The following FAAH2 variants were observed in gnomAD, a reference collection of about 807,000 sequenced individuals.
The protein encoded by FAAH2 is fatty-acid amide hydrolase 2.
A neutral mutation model predicts 36.9 loss-of-function variants in FAAH2; 60 were observed. The ratio of observed to expected loss-of-function variants is 1.63; its 90% CI spans 1.32 to 2.02. FAAH2 has a LOEUF of 2.02. Ranked by LOEUF, FAAH2 falls within the 30% of genes most tolerant of loss-of-function variation. The pLI, the probability that FAAH2 is intolerant of heterozygous loss-of-function variation, is 0.00. For missense variants in FAAH2, 689 were observed against 397.5 expected, an observed-to-expected ratio of 1.73 and a Z score of -6.23; for synonymous variants, 214 against 143.8, an observed-to-expected ratio of 1.49 and a Z score of -3.49.
At chrX:57,200,762 G>A in the FAAH2 span, among the ~76,000 whole-genome samples, 25 of 111,198 alleles carry the variant, frequency 2.2e-4, no homozygotes, top group Non-Finnish European at 3.8e-4. Context: ...ATTTTTGATT[G>A]GTTCATCATT....
intron 5 of FAAH2, among the ~76,000 whole-genome samples, chrX:57,365,132 G>T (rs890605412): frequency 2.7e-5 from 3 of 111,304 alleles, no homozygotes; most frequent in African/African-American, 9.8e-5. Context: ...CTTGTCAATG[G>T]CATGTTGATG....
the FAAH2 span, among the ~76,000 whole-genome samples, chrX:57,270,590 G>T: frequency 2.7e-5 from 3 of 111,808 alleles, no homozygotes; most frequent in Non-Finnish European, 3.8e-5. Context: ...CAGCGAGATC[G>T]ATGCAGAAGG....
At chrX:57,172,379 T>C in the FAAH2 span, among the ~76,000 whole-genome samples, 1 of 111,076 alleles carries the variant, frequency 9.0e-6, no homozygotes, top group Non-Finnish European at 1.9e-5. Flanking sequence ...CTCAGATCTC[T>C]AGGGGAGCAT....
intron 2 of FAAH2, among the ~76,000 whole-genome samples, chrX:57,303,300 C>G (rs1250521388): frequency 9.0e-6 from 1 of 111,612 alleles, no homozygotes; most frequent in African/African-American, 3.3e-5. Flanking sequence ...TGCAGTTCTT[C>G]TCATTGTTTT....
chrX:57,261,164 A>T, the FAAH2 span, among the ~76,000 whole-genome samples: 1 of 111,720 alleles, frequency 9.0e-6, no homozygotes, highest in Non-Finnish European at 1.9e-5. Context: ...ATAATCAATA[A>T]ATTTTCGTAG....
At chrX:57,360,217 G>A (rs887422162) in intron 5 of FAAH2, among the ~76,000 whole-genome samples, 1 of 110,221 alleles carries the variant, frequency 9.1e-6, no homozygotes, top group East Asian at 2.8e-4. Context: ...CCATTTTTAT[G>A]TAACTTTCCT....
the FAAH2 span, among the ~76,000 whole-genome samples, chrX:57,160,809 A>G: frequency 8.9e-6 from 1 of 111,967 alleles, no homozygotes; most frequent in Non-Finnish European, 1.9e-5. Flanking sequence ...TCAAAAAACC[A>G]GCTCCTGGAT....
At chrX:57,402,224 G>C (rs2055455081) in intron 7 of FAAH2, among the ~76,000 whole-genome samples, 1 of 112,104 alleles carries the variant, frequency 8.9e-6, no homozygotes, top group African/African-American at 3.2e-5. Flanking sequence ...TGGGGCAGTG[G>C]GCCTTCCCGT....
intron 10 of FAAH2, among the ~76,000 whole-genome samples, chrX:57,476,300 T>A (rs1172617717): frequency 9.0e-6 from 1 of 111,269 alleles, no homozygotes; most frequent in Non-Finnish European, 1.9e-5. Flanking sequence ...TGCTTCCAGC[T>A]TTTACCCATT....
chrX:57,319,048 A>G (rs1019605286), intron 3 of FAAH2, among the ~76,000 whole-genome samples: 1 of 111,729 alleles, frequency 9.0e-6, no homozygotes, highest in African/African-American at 3.2e-5. Flanking sequence ...TTTATGACAA[A>G]CCCACAGCCA....
intron 7 of FAAH2, among the ~76,000 whole-genome samples, chrX:57,402,675 T>C (rs921762047): frequency 1.8e-5 from 2 of 111,921 alleles, no homozygotes; most frequent in Non-Finnish European, 3.8e-5. Flanking sequence ...GGAAGTAGGA[T>C]TTTCTTCCTT....
chrX:57,263,208 T>C, the FAAH2 span, among the ~76,000 whole-genome samples: 1 of 111,033 alleles, frequency 9.0e-6, no homozygotes, highest in Non-Finnish European at 1.9e-5. Flanking sequence ...TCGCAAGGAG[T>C]GTACAAAAAC....
intron 3 of FAAH2, among the ~76,000 whole-genome samples, chrX:57,326,668 C>CT (rs1478393095): frequency 1.8e-3 from 160 of 87,411 alleles, no homozygotes; most frequent in African/African-American, 7.0e-3. Flanking sequence ...CAACCCCTGC[C>CT]TTTTTTTGTT....
rs1209878024 is a variant in FAAH2 at position 57,310,628 on chromosome X, A to T, written c.311A>T (p.Asp104Val). Residue 104 changes from aspartate (D) to valine (V), a missense_variant, in exon 3 of 11, where the codon GAT (aspartate) becomes GTT (valine). Physicochemically the swap from Asp to Val is radical, Grantham distance 152 (BLOSUM62 -3). Coordinates refer to ENST00000374900, the MANE Select transcript of FAAH2 (RefSeq NM_174912.4). ...GCGATGAAGGAGGCTCATGCTGTAG[A>T]TCAAAAGCTTGCAGAGAAGCAGGAA... ...EEAMKEAHAVDQKLAEKQEDE... is the reference protein window; with the variant it reads ...EEAMKEAHAVVQKLAEKQEDE... 1.7e-6 allele frequency: 2 copies of T among 1,210,184 alleles called. No individual in the cohort carries two copies. The highest frequency in any genetic ancestry group is 2.2e-6 in the Non-Finnish European group (2 of 894,741).
At chrX:57,205,350 A>G in the FAAH2 span, among the ~76,000 whole-genome samples, 2 of 112,536 alleles carry the variant, frequency 1.8e-5, no homozygotes, top group Non-Finnish European at 3.8e-5. Context: ...CAGCCATTCA[A>G]TTCCCTTCAG....
chrX:57,308,305 A>T (rs1289745459), intron 2 of FAAH2, among the ~76,000 whole-genome samples: 1 of 110,873 alleles, frequency 9.0e-6, no homozygotes, highest in Non-Finnish European at 1.9e-5. Context: ...TTGTTTTTTT[A>T]CTTTTAATAA....
chrX:57,399,894 G>T (rs2055390912), intron 7 of FAAH2, among the ~76,000 whole-genome samples: 1 of 111,797 alleles, frequency 8.9e-6, no homozygotes, highest in African/African-American at 3.3e-5. Flanking sequence ...GGAGTGAGGG[G>T]ATTACTTTCA....
chrX:57,247,027 T>A, the FAAH2 span, among the ~76,000 whole-genome samples: 3 of 111,941 alleles, frequency 2.7e-5, no homozygotes, highest in Non-Finnish European at 5.6e-5. Context: ...ACTTTTCATA[T>A]TTTATAAAAT....
At chrX:57,459,698 A>G (rs2056924289) in intron 10 of FAAH2, among the ~76,000 whole-genome samples, 1 of 112,237 alleles carries the variant, frequency 8.9e-6, no homozygotes. Context: ...TGATACCCAG[A>G]CAAATAGGTT....
Sources: allele counts gnomAD v4.1 joint callset (sites outside exome capture counted in the v4.1 genomes callset), GRCh38; gene constraint gnomAD v4.1.1; transcripts MANE v1.5; gene names NCBI Gene and HGNC (gene_info 2026-07-23, HGNC 2026-07-21).